The following SCN10A variants were observed in gnomAD, a reference collection of about 807,000 sequenced individuals.
SCN10A encodes the protein sodium voltage-gated channel alpha subunit 10, also known as sodium channel protein type 10 subunit alpha.
In SCN10A, 162 loss-of-function variants were observed where a neutral mutation model predicts 170.7. That is an observed-to-expected ratio of 0.95 (90% confidence interval 0.84 to 1.08). The LOEUF (loss-of-function observed/expected upper bound fraction) is 1.08, where lower values mean the gene tolerates loss of function less well. Ranked by LOEUF, SCN10A falls within the 50% of genes least tolerant of loss-of-function variation. SCN10A has a pLI of 0.00. For missense variants in SCN10A, 2,527 were observed against 2,436.9 expected (o/e 1.04, Z -0.78); for synonymous variants, 985 against 904.6 (o/e 1.09, Z -1.59).
At chr3:38,775,391 G>C (rs868547804) in intron 4 of SCN10A, among the ~76,000 whole-genome samples, 1 of 152,222 alleles carries the variant, frequency 6.6e-6, no homozygotes, top group African/African-American at 2.4e-5. Context: ...CAATGTTGTG[G>C]CATGTATCAG....
chr3:38,718,271 G>A (rs1369798302), intron 21 of SCN10A, among the ~76,000 whole-genome samples: 2 of 152,172 alleles, frequency 1.3e-5, no homozygotes, highest in Non-Finnish European at 2.9e-5. Flanking sequence ...CCACAGAACC[G>A]CAGGTGGGAA....
chr3:38,793,117 A>T (rs2064305113), intron 2 of SCN10A, among the ~76,000 whole-genome samples: 1 of 151,990 alleles, frequency 6.6e-6, no homozygotes, highest in Non-Finnish European at 1.5e-5. Flanking sequence ...GAAATTCAAA[A>T]CTCAGGAAAT....
intron 1 of SCN10A, among the ~76,000 whole-genome samples, chr3:38,801,524 C>A (rs900080754): frequency 2.0e-5 from 3 of 152,128 alleles, no homozygotes; most frequent in Non-Finnish European, 4.4e-5. Context: ...CTGACTACAG[C>A]AGGTCTGGAA....
chr3:38,742,663 C>T lies in SCN10A; in HGVS notation c.1868-134G>A. 5 of 710,766 alleles carry T rather than the reference C, an allele frequency of 7.0e-6. No individual in the cohort carries two copies. The East Asian group carries it at 1.2e-4, about 18-fold the overall frequency. 44.0% of individuals were successfully genotyped at this position (710,766 alleles called of 1,614,324 possible). On this transcript the variant is annotated intron_variant, in intron 13 of 27. Coordinates refer to ENST00000449082, the MANE Select transcript of SCN10A (RefSeq NM_006514.4). Reference sequence around the variant, plus strand: ...ATTTTGACTTCAGCCCTCTCTCTGTCTCTGGTATTCATTTCCTATATTTTG... The same window carrying T: ...ATTTTGACTTCAGCCCTCTCTCTGTTTCTGGTATTCATTTCCTATATTTTG...
intron 1 of SCN10A, among the ~76,000 whole-genome samples, chr3:38,810,477 A>G (rs1187701233): frequency 6.6e-6 from 1 of 152,196 alleles, no homozygotes; most frequent in Non-Finnish European, 1.5e-5. Flanking sequence ...TTGGACAAAA[A>G]TATTGTATCT....
At chr3:38,781,198 A>G (rs1299724140) in intron 4 of SCN10A, among the ~76,000 whole-genome samples, 4 of 152,110 alleles carry the variant, frequency 2.6e-5, no homozygotes. Context: ...GACAACTGGC[A>G]ATGACCAGCT....
intron 1 of SCN10A, among the ~76,000 whole-genome samples, chr3:38,801,453 G>A (rs2064370147): frequency 6.6e-6 from 1 of 152,180 alleles, no homozygotes; most frequent in Non-Finnish European, 1.5e-5. Flanking sequence ...GACTGAACAA[G>A]CTTATCTCTG....
intron 16 of SCN10A, among the ~76,000 whole-genome samples, chr3:38,727,816 G>C (rs982179277): frequency 2.6e-5 from 4 of 152,208 alleles, no homozygotes; most frequent in African/African-American, 7.2e-5. Context: ...ACCATGACCA[G>C]AGTGGGTGGA....
At chr3:38,732,985 A>G (rs1322826245) in intron 15 of SCN10A, among the ~76,000 whole-genome samples, 1 of 152,192 alleles carries the variant, frequency 6.6e-6, no homozygotes, top group Non-Finnish European at 1.5e-5. Flanking sequence ...AAATGAAACA[A>G]CTCTTAGCAA....
chr3:38,793,989 G>A lies in SCN10A; in HGVS notation c.22C>T (p.Leu8Phe). Residue 8 changes from leucine to phenylalanine, a missense_variant, in exon 2 of 28, where the codon CTC becomes TTC. Transcript: ENST00000449082. Reference sequence around the variant, plus strand: ...AAGCGACGGAAGTTGTTAGTTTCGAGGGATCCAATGGGGAATTCCATCTTC... The same window carrying A: ...AAGCGACGGAAGTTGTTAGTTTCGAAGGATCCAATGGGGAATTCCATCTTC... MEFPIGS[L>F]ETNNFRRFTP... is the part of the protein sequence containing the mutation. 6.2e-7 allele frequency: 1 copy of A among 1,613,828 alleles called. No individual in the cohort carries two copies. The highest frequency in any genetic ancestry group is 8.5e-7 in the Non-Finnish European group (1 of 1,179,820).
chr3:38,784,924 A>G lies in SCN10A; in HGVS notation c.470+4032T>C, dbSNP rs181483923. 2.6e-5 allele frequency among the ~76,000 whole-genome samples: 4 copies of G among 152,300 alleles called. No homozygotes were observed. The East Asian group carries it at 5.8e-4, about 22-fold the overall frequency. ...AAAATATCTAGAAATACAACTTACA[A>G]GGGATGTGAAGGACCTCTTCAAGGA... On this transcript the variant is annotated intron_variant, in intron 4 of 27. Transcript: ENST00000449082.
intron 3 of SCN10A, among the ~76,000 whole-genome samples, chr3:38,790,980 C>T (rs1293404805): frequency 1.3e-5 from 2 of 152,198 alleles, no homozygotes; most frequent in Admixed American, 6.5e-5. Flanking sequence ...CGTAATGCAA[C>T]TTCATCAAGC....
chr3:38,799,097 A>G (rs1051785707), intron 1 of SCN10A, among the ~76,000 whole-genome samples: 4 of 152,144 alleles, frequency 2.6e-5, no homozygotes, highest in South Asian at 2.1e-4. Context: ...TGCCTTCTTA[A>G]TATCAGGTGG....
At chr3:38,737,343 T>C (rs1045886884) in intron 15 of SCN10A, among the ~76,000 whole-genome samples, 4 of 152,164 alleles carry the variant, frequency 2.6e-5, no homozygotes, top group Admixed American at 6.5e-5. Context: ...CTCTTGACGA[T>C]TGTGCATAGG....
At chr3:38,761,979 CTA>C (rs1487376788) in intron 6 of SCN10A, among the ~76,000 whole-genome samples, 2 of 152,104 alleles carry the variant, frequency 1.3e-5, no homozygotes, top group East Asian at 3.9e-4. Context: ...TAGAAAGAGA[CTA>C]TAAGAAACAC....
chr3:38,743,739 T>C (rs2063658018), intron 13 of SCN10A, among the ~76,000 whole-genome samples: 3 of 152,212 alleles, frequency 2.0e-5, no homozygotes, highest in Non-Finnish European at 4.4e-5. Flanking sequence ...TCCCTTTTCC[T>C]TTCCTGCTTG....
intron 21 of SCN10A, among the ~76,000 whole-genome samples, chr3:38,715,369 A>G (rs941809128): frequency 9.2e-5 from 14 of 152,156 alleles, no homozygotes; most frequent in African/African-American, 3.1e-4. Flanking sequence ...TGCACCATGC[A>G]TCTATTCTCC....
chr3:38,699,804 G>A (rs375012793), intron 27 of SCN10A, among the ~76,000 whole-genome samples: 2 of 152,192 alleles, frequency 1.3e-5, no homozygotes, highest in Admixed American at 6.5e-5. Context: ...ATGGTTCCTC[G>A]TACTTGTAAC....
chr3:38,773,461 G>A (rs2064034358), intron 4 of SCN10A, among the ~76,000 whole-genome samples: 1 of 152,164 alleles, frequency 6.6e-6, no homozygotes. Flanking sequence ...TCAGAATGAG[G>A]CAGAAGATGA....
Sources: gnomAD v4.1 joint callset for allele counts (sites outside exome capture counted in the v4.1 genomes callset) on GRCh38, gnomAD v4.1.1 for gene constraint, MANE v1.5 for transcripts, NCBI Gene and HGNC (gene_info 2026-07-23, HGNC 2026-07-21) for gene names.